The following ANXA8 variants were observed in gnomAD, a reference collection of about 807,000 sequenced individuals.
The protein encoded by ANXA8 is VAC-beta.
In ANXA8, 9 loss-of-function variants were observed where a neutral mutation model predicts 26.8. The observed-to-expected ratio is 0.34, with a 90% CI of 0.20 to 0.59. ANXA8 has a LOEUF of 0.59. ANXA8 is among the 20% of genes least tolerant of loss of function. The probability of loss-of-function intolerance (pLI) is 0.84; values close to 1 mark genes in which losing one functional copy is unlikely to be tolerated. For synonymous variants in ANXA8, 39 were observed against 94.8 expected, an observed-to-expected ratio of 0.41 and a Z score of 3.42; for missense variants, 83 against 238.5, an observed-to-expected ratio of 0.35 and a Z score of 4.29.
the ANXA8 span, chr10:47,502,441 T>C: frequency 1.9e-6 from 3 of 1,612,134 alleles, no homozygotes; most frequent in Non-Finnish European, 2.5e-6. Flanking sequence ...CCACCATTCC[T>C]TCTCTTCCCT....
chr10:47,535,503 A>G, the ANXA8 span, among the ~76,000 whole-genome samples: 1 of 143,166 alleles, frequency 7.0e-6, no homozygotes, highest in Admixed American at 6.8e-5. Context: ...CTAATAGCAA[A>G]AAAGAATTCC....
the ANXA8 span, among the ~76,000 whole-genome samples, chr10:47,583,743 G>T: frequency 1.4e-5 from 2 of 146,730 alleles, no homozygotes; most frequent in Non-Finnish European, 3.0e-5. Flanking sequence ...CTTAGGCCTA[G>T]AATTTTTGAT....
chr10:47,488,934 C>G (rs1215794011), upstream of ANXA8, among the ~76,000 whole-genome samples: 1 of 147,740 alleles, frequency 6.8e-6, no homozygotes, highest in African/African-American at 2.5e-5. Flanking sequence ...TCACCGTGGT[C>G]TGGATCTCCT....
At chr10:47,497,847 G>A in the ANXA8 span, among the ~76,000 whole-genome samples, 1 of 151,422 alleles carries the variant, frequency 6.6e-6, no homozygotes. Flanking sequence ...GCTGAGGCAG[G>A]AGAATCACTT....
At chr10:47,684,423 T>TGG in the ANXA8 span, among the ~76,000 whole-genome samples, 11 of 135,824 alleles carry the variant, frequency 8.1e-5, no homozygotes, top group South Asian at 2.5e-4. Flanking sequence ...AGTTTTTTTT[T>TGG]GGGGGGGGGG....
chr10:47,646,967 G>C, the ANXA8 span, among the ~76,000 whole-genome samples: 149 of 152,206 alleles, frequency 9.8e-4, no homozygotes, highest in Non-Finnish European at 1.4e-3. Context: ...TGTATTTTTA[G>C]TTTGCTTAAT....
chr10:47,761,102 G>GCACACACA, the ANXA8 span, among the ~76,000 whole-genome samples: 207 of 145,312 alleles, frequency 1.4e-3, 2 homozygotes, highest in African/African-American at 4.9e-3. Context: ...ACACACACAC[G>GCACACACA]CACACACACA....
At chr10:47,628,612 AT>A in the ANXA8 span, among the ~76,000 whole-genome samples, 5 of 150,078 alleles carry the variant, frequency 3.3e-5, no homozygotes, top group Admixed American at 2.6e-4. Flanking sequence ...GAAAATATAT[AT>A]TTTTAGCTCC....
the ANXA8 span, among the ~76,000 whole-genome samples, chr10:47,631,993 C>T: frequency 2.6e-4 from 40 of 152,208 alleles, no homozygotes; most frequent in Middle Eastern, 3.4e-3. Flanking sequence ...AATAATAATG[C>T]TTGCACTGCT....
At chr10:47,968,608 C>A in the ANXA8 span, among the ~76,000 whole-genome samples, 1 of 141,478 alleles carries the variant, frequency 7.1e-6, no homozygotes, top group Non-Finnish European at 1.6e-5. Context: ...GTTTCCAGAA[C>A]CACTTCGACC....
At chr10:47,770,903 TG>T in the ANXA8 span, among the ~76,000 whole-genome samples, 1 of 57,004 alleles carries the variant, frequency 1.8e-5, no homozygotes, top group African/African-American at 7.3e-5. Context: ...TCCTCTTGGG[TG>T]TGGTTGACTC....
At chr10:47,706,008 G>C in the ANXA8 span, among the ~76,000 whole-genome samples, 7 of 151,684 alleles carry the variant, frequency 4.6e-5, no homozygotes, top group Non-Finnish European at 4.4e-5. Context: ...TGTTGTGGGG[G>C]GGGAGGGGCG....
chr10:47,475,091 G>C, intron 6 of ANXA8, 87 bp from the exon 7 acceptor site: 1 of 1,500,536 alleles, frequency 6.7e-7, no homozygotes, highest in East Asian at 3.0e-5. Flanking sequence ...TGGAGGGCAG[G>C]CATGGCTCTG....
chr10:47,688,546 C>T, the ANXA8 span, among the ~76,000 whole-genome samples: 1 of 151,490 alleles, frequency 6.6e-6, no homozygotes. Flanking sequence ...CTCAGACTCC[C>T]GAGTAACTGA....
chr10:47,527,135 G>A, the ANXA8 span, among the ~76,000 whole-genome samples: 1 of 15,230 alleles, frequency 6.6e-5, no homozygotes, highest in Non-Finnish European at 1.3e-4. Flanking sequence ...GCCATTAAGC[G>A]TAACTGGGGA....
At chr10:47,571,186 C>A in the ANXA8 span, among the ~76,000 whole-genome samples, 2 of 136,104 alleles carry the variant, frequency 1.5e-5, no homozygotes, top group Admixed American at 7.5e-5. Flanking sequence ...TATTTATCGC[C>A]CATATCTGCA....
chr10:47,939,545 C>T, the ANXA8 span, among the ~76,000 whole-genome samples: 12 of 144,402 alleles, frequency 8.3e-5, no homozygotes, highest in African/African-American at 5.5e-5. Flanking sequence ...AACTGTGCCC[C>T]GTTCCCAGAC....
chr10:47,953,168 C>T, the ANXA8 span, among the ~76,000 whole-genome samples: 1 of 149,210 alleles, frequency 6.7e-6, no homozygotes, highest in East Asian at 2.1e-4. Flanking sequence ...AATGAAAGGG[C>T]AAGTTGCAGA....
chr10:47,564,830 C>T, the ANXA8 span: 29 of 955,590 alleles, frequency 3.0e-5, 1 homozygote, highest in South Asian at 1.2e-4. Context: ...AAGCTACGTC[C>T]TCTATGCCAG....
Sources: gnomAD v4.1 joint callset for allele counts (sites outside exome capture counted in the v4.1 genomes callset) on GRCh38, gnomAD v4.1.1 for gene constraint, MANE v1.5 for transcripts, NCBI Gene and HGNC (gene_info 2026-07-23, HGNC 2026-07-21) for gene names.